AFAP1: variants seen among roughly 807,000 people sequenced by gnomAD.
The protein encoded by AFAP1 is actin filament-associated protein 1.
A neutral mutation model predicts 93.9 loss-of-function variants in AFAP1; 75 were observed. The ratio of observed to expected loss-of-function variants is 0.80; its 90% CI spans 0.66 to 0.97. The LOEUF is 0.97. Among genes scored for constraint, AFAP1 ranks in the 50% least tolerant of loss-of-function variants. AFAP1 has a pLI of 0.00. For missense variants in AFAP1, 1,201 were observed against 1,050.8 expected, an observed-to-expected ratio of 1.14 and a Z score of -1.98; for synonymous variants, 517 against 430.7, an observed-to-expected ratio of 1.20 and a Z score of -2.48.
intron 9 of AFAP1, among the ~76,000 whole-genome samples, chr4:7,809,205 C>G (rs1018694437): frequency 2.0e-5 from 3 of 151,138 alleles, no homozygotes; most frequent in Admixed American, 6.6e-5. Context: ...TGCTATCCCT[C>G]CCCACTCCCC....
rs573832092 is a variant in AFAP1 at position 7,800,574 on chromosome 4, C to G, written c.1134G>C (p.Lys378Asn). The change falls in exon 10 of 18, where the codon AAG becomes AAC. Residue 378 changes from lysine to asparagine, a missense_variant. Lys to Asn is a moderately conservative substitution (Grantham distance 94, BLOSUM62 0). Coordinates refer to ENST00000420658, the MANE Select transcript of AFAP1 (RefSeq NM_001134647.2). ...RVKDNKLIFHKDRTDLKTHIV... is the reference protein window; with the variant it reads ...RVKDNKLIFHNDRTDLKTHIV... ...TATGGGTCTTCAGGTCGGTCCTGTC[C>G]TTGTGGAAAATGAGCTTGTTATCTT... 1 of 1,614,206 alleles carries G rather than the reference C, an allele frequency of 6.2e-7. No homozygotes were observed. Among genetic ancestry groups the G allele is most frequent in the East Asian group, 2.2e-5 (1 of 44,882 alleles).
intron 3 of AFAP1, 115 bp downstream of exon 3, chr4:7,868,507 G>A (rs902936800): frequency 1.2e-5 from 10 of 855,054 alleles, no homozygotes; most frequent in Admixed American, 5.9e-5. Context: ...GGAGTGCCTC[G>A]AGACAAATAA....
chr4:7,902,077 G>A (rs1329902501), intron 1 of AFAP1, among the ~76,000 whole-genome samples: 2 of 152,170 alleles, frequency 1.3e-5, no homozygotes, highest in East Asian at 1.9e-4. Context: ...AACTGCGGGT[G>A]GAGCAAATAA....
At chr4:7,848,541 A>C (rs28638094) in intron 4 of AFAP1, among the ~76,000 whole-genome samples, 124,736 of 151,998 alleles carry the variant, frequency 0.82, 51,359 homozygotes, top group East Asian at 0.94. Context: ...GGGAGAAAGA[A>C]GTCTCCCAGC....
chr4:7,883,266 T>G (rs1292123763), intron 1 of AFAP1, among the ~76,000 whole-genome samples: 2 of 151,462 alleles, frequency 1.3e-5, no homozygotes, highest in African/African-American at 2.4e-5. Flanking sequence ...TATTATTATC[T>G]AATGAGAAGA....
At chr4:7,860,599 A>G (rs182985958) in intron 3 of AFAP1, among the ~76,000 whole-genome samples, 109 of 152,312 alleles carry the variant, frequency 7.2e-4, no homozygotes, top group African/African-American at 2.5e-3. Flanking sequence ...CTGAGGCTCA[A>G]GAGATTAAAG....
Position 7,838,650 on chromosome 4 carries a change from GCCTTGGAGTGGCAGTT to G in AFAP1, c.584_599del (p.Glu195AlafsTer18). The G allele has an allele frequency of 6.2e-7, 1 of 1,614,140 alleles. No homozygotes were observed. The highest frequency in any genetic ancestry group is 2.2e-5 in the East Asian group (1 of 44,876). On this transcript the variant is annotated frameshift_variant, in exon 6 of 18. Transcript: ENST00000420658. LOFTEE classifies it high-confidence loss of function. ...CTTTCGGGATGTACGTAATGTTACA[GCCTTGGAGTGGCAGTT>G]CCATCTGAGGCTGCTGGTCCTTGGA...
chr4:7,903,828 C>A (rs781522088), intron 1 of AFAP1, among the ~76,000 whole-genome samples: 12 of 152,114 alleles, frequency 7.9e-5, no homozygotes, highest in Non-Finnish European at 4.4e-5. Flanking sequence ...AGGAGGCGGG[C>A]GGGCAGCATC....
chr4:7,896,902 ATGTGACACGG>A (rs781165489), intron 1 of AFAP1, among the ~76,000 whole-genome samples: 13 of 150,790 alleles, frequency 8.6e-5, no homozygotes, highest in South Asian at 2.1e-4. Context: ...GCCTGGCAGC[ATGTGACACGG>A]TGTGACACGG....
At chr4:7,786,027 C>G (rs1278142114) in intron 12 of AFAP1, among the ~76,000 whole-genome samples, 167 bp downstream of exon 12, 2 of 152,220 alleles carry the variant, frequency 1.3e-5, no homozygotes, top group Non-Finnish European at 2.9e-5. Flanking sequence ...TTCAGATAAA[C>G]AGCATGTCAG....
chr4:7,889,340 A>G (rs1469222342), intron 1 of AFAP1, among the ~76,000 whole-genome samples: 1 of 151,890 alleles, frequency 6.6e-6, no homozygotes, highest in African/African-American at 2.4e-5. Flanking sequence ...CGAGGTCAGG[A>G]GATCCAGATC....
intron 3 of AFAP1, 66 bp downstream of exon 3, chr4:7,868,556 C>T: frequency 6.9e-7 from 1 of 1,443,602 alleles, no homozygotes; most frequent in Non-Finnish European, 9.5e-7. Context: ...ATCACAGGCC[C>T]CTGGAGCCCG....
chr4:7,774,689 A>C (rs780723203), intron 15 of AFAP1, 50 bp downstream of exon 15: 2 of 1,582,548 alleles, frequency 1.3e-6, no homozygotes, highest in East Asian at 4.5e-5. Context: ...TGAAATCTCC[A>C]GTCTCTAATA....
intron 2 of AFAP1, among the ~76,000 whole-genome samples, chr4:7,869,963 C>A (rs1160323213): frequency 6.6e-6 from 1 of 152,110 alleles, no homozygotes; most frequent in Non-Finnish European, 1.5e-5. Context: ...CATGAAGAGA[C>A]CAGTGCTGGA....
intron 15 of AFAP1, 180 bp from the exon 16 acceptor site, chr4:7,773,190 T>C: frequency 1.0e-6 from 1 of 966,960 alleles, no homozygotes; most frequent in Non-Finnish European, 1.5e-6. Context: ...GTCCTTCTCC[T>C]ACCATTTCCC....
At chr4:7,865,242 A>G (rs1056670589) in intron 3 of AFAP1, among the ~76,000 whole-genome samples, 5 of 152,212 alleles carry the variant, frequency 3.3e-5, no homozygotes, top group African/African-American at 1.2e-4. Flanking sequence ...AGCATGGCTT[A>G]GGTGTCCAGG....
chr4:7,815,984 G>C (rs78630560), intron 8 of AFAP1, 34 bp downstream of exon 8: 2 of 1,503,310 alleles, frequency 1.3e-6, no homozygotes, highest in Admixed American at 2.1e-5. Context: ...TTTTTTTTTA[G>C]TGTATATATG....
chr4:7,930,845 G>A (rs1194606228), intron 1 of AFAP1, among the ~76,000 whole-genome samples: 1 of 152,152 alleles, frequency 6.6e-6, no homozygotes, highest in Admixed American at 6.5e-5. Flanking sequence ...CCACCTCCCA[G>A]GTTCAAGCAA....
At chr4:7,886,056 T>C (rs919008233) in intron 1 of AFAP1, among the ~76,000 whole-genome samples, 3 of 152,192 alleles carry the variant, frequency 2.0e-5, no homozygotes, top group Non-Finnish European at 4.4e-5. Context: ...TAAAGGTAGA[T>C]CTAAGAAATC....
Sources: gnomAD v4.1 joint callset for allele counts (sites outside exome capture counted in the v4.1 genomes callset) on GRCh38, gnomAD v4.1.1 for gene constraint, MANE v1.5 for transcripts, NCBI Gene and HGNC (gene_info 2026-07-23, HGNC 2026-07-21) for gene names.